The following CDC42BPA variants were observed in gnomAD, a reference collection of about 807,000 sequenced individuals.
CDC42BPA encodes CDC42 binding protein kinase alpha, also known as serine/threonine-protein kinase MRCK alpha.
In CDC42BPA, 80 loss-of-function variants were observed where a neutral mutation model predicts 223.5. The observed-to-expected ratio is 0.36, with a 90% CI of 0.30 to 0.43. The LOEUF (loss-of-function observed/expected upper bound fraction) is 0.43, where lower values mean the gene tolerates loss of function less well. Among genes scored for constraint, CDC42BPA ranks in the 20% least tolerant of loss-of-function variants. CDC42BPA has a pLI of 1.00. For missense variants in CDC42BPA, 1,743 were observed against 2,099.9 expected (o/e 0.83, Z 3.32); for synonymous variants, 694 against 718.6 (o/e 0.97, Z 0.55).
intron 2 of CDC42BPA, among the ~76,000 whole-genome samples, chr1:227,217,918 T>C (rs781739562): frequency 6.6e-6 from 1 of 152,208 alleles, no homozygotes; most frequent in Non-Finnish European, 1.5e-5. Context: ...TTAGTTGTCA[T>C]TATTTCATGA....
At chr1:227,003,609 G>A (rs556031055) in intron 35 of CDC42BPA, among the ~76,000 whole-genome samples, 1 of 152,230 alleles carries the variant, frequency 6.6e-6, no homozygotes, top group South Asian at 2.1e-4. Context: ...CTCTCATTTT[G>A]AGGTAAGTAG....
At chr1:227,140,556 A>C (rs1052447272) in intron 9 of CDC42BPA, among the ~76,000 whole-genome samples, 3 of 152,102 alleles carry the variant, frequency 2.0e-5, no homozygotes, top group Non-Finnish European at 4.4e-5. Context: ...CCCAGAAAGG[A>C]GGCCTGTGTG....
chr1:227,151,566 A>G (rs114515863), intron 6 of CDC42BPA, among the ~76,000 whole-genome samples: 1,648 of 152,182 alleles, frequency 0.011, 34 homozygotes, highest in African/African-American at 0.037. Flanking sequence ...ACCATTTTCC[A>G]TATTTTACAT....
chr1:227,271,165 A>T (rs903749791), intron 1 of CDC42BPA, among the ~76,000 whole-genome samples: 4 of 152,230 alleles, frequency 2.6e-5, no homozygotes, highest in Admixed American at 6.5e-5. Context: ...AATAAATGTT[A>T]ATTATACTGT....
At chr1:227,293,517 C>T (rs575158705) in intron 1 of CDC42BPA, among the ~76,000 whole-genome samples, 1 of 114,818 alleles carries the variant, frequency 8.7e-6, no homozygotes, top group African/African-American at 3.0e-5. Context: ...ATGGTAAAGT[C>T]ATTAAAAAAA....
intron 6 of CDC42BPA, among the ~76,000 whole-genome samples, chr1:227,157,952 T>A (rs1003843265): frequency 8.4e-6 from 1 of 119,072 alleles, no homozygotes; most frequent in Admixed American, 9.2e-5. Flanking sequence ...AATATTTTTA[T>A]AACTTTTTTT....
intron 2 of CDC42BPA, among the ~76,000 whole-genome samples, chr1:227,230,812 C>CTTTTTT (rs1309498246): frequency 0.017 from 1,936 of 111,438 alleles, 62 homozygotes; most frequent in Non-Finnish European, 0.024. Context: ...TTTCTTTTTT[C>CTTTTTT]TTTCTTTCTT....
intron 15 of CDC42BPA, among the ~76,000 whole-genome samples, chr1:227,098,854 G>A (rs975126022): frequency 2.6e-5 from 4 of 151,726 alleles, no homozygotes; most frequent in African/African-American, 9.7e-5. Flanking sequence ...CAAATCAGTT[G>A]TCACTTTTCT....
chr1:227,070,376 C>G (rs1678030713), intron 20 of CDC42BPA, among the ~76,000 whole-genome samples: 1 of 150,210 alleles, frequency 6.7e-6, no homozygotes, highest in Admixed American at 6.7e-5. Flanking sequence ...CTCCAAACCC[C>G]AGTTTTTCTC....
At chr1:227,126,410 C>A (rs1019418475) in intron 11 of CDC42BPA, among the ~76,000 whole-genome samples, 1 of 149,632 alleles carries the variant, frequency 6.7e-6, no homozygotes, top group Non-Finnish European at 1.5e-5. Flanking sequence ...CCTCTGGTGG[C>A]TGCTGGTGAC....
At position 227,207,316 on chromosome 1, in the gene CDC42BPA, T is replaced by C. The variant is rs565455535; in HGVS notation, c.354+5820A>G. Among the ~76,000 whole-genome samples, 387 of 151,186 alleles carry C rather than the reference T, an allele frequency of 2.6e-3. 1 individual carries two copies. The highest frequency in any genetic ancestry group is 9.0e-3 in the African/African-American group (371 of 41,112). On this transcript the variant is annotated intron_variant, in intron 3 of 36. Transcript: ENST00000366766. ...CCATGGTGTATATGTCACACATTTT[T>C]TTTTTCTTTTTTTACTGGCATATCT... is the stretch of plus-strand genomic sequence containing the variant.
chr1:227,073,839 G>A, intron 19 of CDC42BPA, 25 bp downstream of exon 19: 2 of 1,473,590 alleles, frequency 1.4e-6, no homozygotes, highest in Non-Finnish European at 9.1e-7. Flanking sequence ...AATTATTCTA[G>A]TGGGACTATA....
In CDC42BPA at chr1:227,145,726, C is replaced by G. The variant is rs1268755288; in HGVS notation, c.906G>C (p.Gln302His). Residue 302 changes from glutamine (Q) to histidine (H), a missense_variant, in exon 8 of 37, where the codon CAG becomes CAC. Physicochemically the swap from Gln to His is conservative, Grantham distance 24. Transcript: ENST00000366766. ...ACACATCAGTCACTTGGGCTGGAAA[C>G]TGAAACCTCTCCTAAACAGAGAAAA... Reference protein sequence around the residue: ...GKIMNHKERFQFPAQVTDVSE... With the variant: ...GKIMNHKERFHFPAQVTDVSE... 6.2e-7 allele frequency: 1 copy of G among 1,613,002 alleles called. No individual in the cohort carries two copies. Among genetic ancestry groups the G allele is most frequent in the Non-Finnish European group, 8.5e-7 (1 of 1,179,332 alleles).
chr1:226,994,191 G>C lies in CDC42BPA; in HGVS notation c.*77C>G. On this transcript the variant is annotated 3_prime_UTR_variant, in exon 37 of 37. Coordinates refer to ENST00000366766, the MANE Select transcript of CDC42BPA (RefSeq NM_001394014.1). The surrounding 1 kb of genome is among the most constrained non-coding windows in gnomAD (Gnocchi z 4.0). ...GGTGGCTTTCAGGCCGAGCAGGCGA[G>C]GTGGAGGGAAGAGATGAAAGTGAGA... is the stretch of plus-strand genomic sequence containing the variant. The C allele has an allele frequency of 6.9e-7, 1 of 1,444,036 alleles. No homozygotes were observed. Among genetic ancestry groups the C allele is most frequent in the South Asian group, 1.3e-5 (1 of 78,858 alleles). The allele number at this position is 1,444,036 out of a possible 1,614,324, so 89.5% of individuals were successfully genotyped here.
At chr1:227,303,324 T>C (rs953469372) in intron 1 of CDC42BPA, among the ~76,000 whole-genome samples, 3 of 152,230 alleles carry the variant, frequency 2.0e-5, no homozygotes, top group African/African-American at 2.4e-5. Context: ...TCTAATCTTC[T>C]AATCTCCTGT....
chr1:227,245,071 C>T (rs75398382), intron 2 of CDC42BPA, among the ~76,000 whole-genome samples: 51 of 152,248 alleles, frequency 3.3e-4, no homozygotes, highest in Non-Finnish European at 6.5e-4. Flanking sequence ...CCTAGGTAAA[C>T]CTGAATGGCA....
chr1:227,301,746 C>G (rs1026325603), intron 1 of CDC42BPA, among the ~76,000 whole-genome samples: 4 of 152,052 alleles, frequency 2.6e-5, no homozygotes, highest in African/African-American at 9.7e-5. Flanking sequence ...ATTCAATCAT[C>G]ACTTAAGATT....
chr1:227,313,770 A>T (rs1430172767), intron 1 of CDC42BPA, among the ~76,000 whole-genome samples: 1 of 152,144 alleles, frequency 6.6e-6, no homozygotes. Flanking sequence ...AAAAAAGTGA[A>T]CAGCTTTAAA....
intron 5 of CDC42BPA, among the ~76,000 whole-genome samples, chr1:227,186,238 G>C (rs1211916508): frequency 3.9e-5 from 6 of 152,168 alleles, no homozygotes; most frequent in African/African-American, 1.4e-4. Context: ...AGCTCAACCA[G>C]GTCCTCATAG....
Sources: allele counts gnomAD v4.1 joint callset (sites outside exome capture counted in the v4.1 genomes callset), GRCh38; gene constraint gnomAD v4.1.1; non-coding constraint Gnocchi (gnomAD v3.1); transcripts MANE v1.5; gene names NCBI Gene and HGNC (gene_info 2026-07-23, HGNC 2026-07-21).